Variants in MICU3 observed in about 807,000 individuals in gnomAD.
MICU3 encodes the protein calcium uptake protein 3, mitochondrial.
Under a neutral mutation model 66.5 loss-of-function variants are expected in MICU3, and 62 were observed. The observed-to-expected ratio is 0.93, with a 90% confidence interval of 0.76 to 1.15. The LOEUF (loss-of-function observed/expected upper bound fraction) is 1.15. MICU3 is among the 50% of genes most tolerant of loss of function. The pLI is 0.00. For missense variants in MICU3, 779 were observed against 664.4 expected, an observed-to-expected ratio of 1.17 and a Z score of -1.90; for synonymous variants, 308 against 240.7, an observed-to-expected ratio of 1.28 and a Z score of -2.59.
chr8:17,052,977 C>A (rs1490891258), intron 1 of MICU3, among the ~76,000 whole-genome samples: 2 of 151,920 alleles, frequency 1.3e-5, no homozygotes, highest in Non-Finnish European at 2.9e-5. Context: ...GTACAGTTGC[C>A]AACATAGGGT....
intron 1 of MICU3, chr8:17,049,677 T>TG (rs1815725244): frequency 3.9e-6 from 2 of 513,296 alleles, no homozygotes; most frequent in Admixed American, 3.9e-5. Flanking sequence ...TTGTGTAATG[T>TG]GAAAAAACAC....
chr8:17,115,277 C>T (rs1346235943), intron 12 of MICU3, among the ~76,000 whole-genome samples: 1 of 152,116 alleles, frequency 6.6e-6, no homozygotes, highest in Admixed American at 6.6e-5. Flanking sequence ...ATAAGAGAAA[C>T]CTGCAAAATT....
intron 11 of MICU3, among the ~76,000 whole-genome samples, chr8:17,112,049 G>A (rs924779815): frequency 1.1e-4 from 16 of 147,416 alleles, no homozygotes; most frequent in African/African-American, 3.5e-4. Flanking sequence ...TCACTATCAC[G>A]AGAACAGCAT....
rs1185917038 is a variant in MICU3 at position 17,027,465 on chromosome 8, G to C, written c.186G>C (p.Arg62=). ...CGGAGGCGGCATGGAGGCGGCGGCG[G>C]CGCTGGGGGGAGCTGAGCGTGGCGG... ...AVAEAAWRRR[R]RWGELSVAAA... is the part of the protein sequence containing the mutation. Residue 62 remains arginine, a synonymous_variant, in exon 1 of 15, where the codon CGG becomes CGC. Transcript: ENST00000318063. The C allele has an allele frequency of 1.2e-5, 16 of 1,293,734 alleles. No individual in the cohort carries two copies. Among genetic ancestry groups the C allele is most frequent in the Non-Finnish European group, 1.4e-5 (14 of 1,025,826 alleles). The allele number at this position is 1,293,734 out of a possible 1,614,324, so 80.1% of individuals were successfully genotyped here.
chr8:17,059,798 T>G (rs1375669114), intron 1 of MICU3, among the ~76,000 whole-genome samples: 2 of 152,068 alleles, frequency 1.3e-5, no homozygotes, highest in Admixed American at 6.6e-5. Context: ...AATTTAAAAT[T>G]TATATGAAGA....
At chr8:17,063,993 C>T in intron 1 of MICU3, 91 bp from the exon 2 acceptor site, 1 of 875,734 alleles carries the variant, frequency 1.1e-6, no homozygotes, top group African/African-American at 1.7e-5. Flanking sequence ...CTCATTTACT[C>T]TGTTTATTCA....
chr8:17,034,348 AAGG>A (rs547951963), intron 1 of MICU3, among the ~76,000 whole-genome samples: 6 of 152,248 alleles, frequency 3.9e-5, no homozygotes, highest in Non-Finnish European at 8.8e-5. Context: ...GGAGATTTAC[AAGG>A]AGATCAGTGT....
At chr8:17,066,696 C>T (rs1818772434) in intron 2 of MICU3, among the ~76,000 whole-genome samples, 1 of 151,432 alleles carries the variant, frequency 6.6e-6, no homozygotes, top group Non-Finnish European at 1.5e-5. Flanking sequence ...GCACATGCCA[C>T]CATGCCACCA....
chr8:17,127,661 G>T, the MICU3 span, among the ~76,000 whole-genome samples: 1 of 152,156 alleles, frequency 6.6e-6, no homozygotes, highest in Non-Finnish European at 1.5e-5. Flanking sequence ...GCCACATAAA[G>T]ATGTATGTTA....
At position 17,104,863 on chromosome 8, in the gene MICU3, C is replaced by T. The variant is rs1033637551; in HGVS notation, c.1085+372C>T. Among the ~76,000 whole-genome samples, 6 of 83,346 alleles carry T rather than the reference C, an allele frequency of 7.2e-5. 1 individual carries two copies. The highest frequency in any genetic ancestry group is 3.3e-4 in the African/African-American group (3 of 9,118). The allele number at this position is 83,346 out of a possible 152,430, so 54.7% of individuals were successfully genotyped here. A position where few individuals can be genotyped will look rare whatever the true frequency, so the allele number is the denominator to read the frequency against. Reference sequence around the variant, plus strand: ...ACAAAAAATTAGCCGGGCGTGGTAGCGGGCGCCTGTAGTCCCAGCTACTCG... The same window carrying T: ...ACAAAAAATTAGCCGGGCGTGGTAGTGGGCGCCTGTAGTCCCAGCTACTCG... On this transcript the variant is annotated intron_variant, in intron 10 of 14. Coordinates refer to ENST00000318063, the MANE Select transcript of MICU3 (RefSeq NM_181723.3).
chr8:17,077,176 A>G (rs1044489380), intron 3 of MICU3, among the ~76,000 whole-genome samples: 1 of 152,254 alleles, frequency 6.6e-6, no homozygotes, highest in African/African-American at 2.4e-5. Flanking sequence ...GTTCTTTAAT[A>G]TTTAAGTTAA....
At chr8:17,060,254 G>T (rs917459227) in intron 1 of MICU3, among the ~76,000 whole-genome samples, 3 of 151,626 alleles carry the variant, frequency 2.0e-5, no homozygotes, top group Non-Finnish European at 4.4e-5. Context: ...GACTATTCTG[G>T]GATCAGACCA....
At position 17,114,192 on chromosome 8, in the gene MICU3, A is replaced by G. The variant is rs1265594232; in HGVS notation, c.1357A>G (p.Ile453Val). ...TATGTATAACTTTGCAAGTCGTTCT[A>G]TAGGGCAAGGTAAGTAATCATCTAC... ...LNMYNFASRS[I>V]GQDEFKRAVY... Residue 453 changes from isoleucine to valine, a missense_variant, in exon 12 of 15, where the codon ATA becomes GTA. Physicochemically the swap from Ile to Val is conservative, Grantham distance 29. Coordinates refer to ENST00000318063, the MANE Select transcript of MICU3 (RefSeq NM_181723.3). 3 of 1,598,220 alleles carry G rather than the reference A, an allele frequency of 1.9e-6. No individual in the cohort carries two copies. The highest frequency in any genetic ancestry group is 1.1e-5 in the South Asian group (1 of 89,528).
chr8:17,101,511 T>C (rs1801253848), intron 9 of MICU3, among the ~76,000 whole-genome samples: 1 of 151,858 alleles, frequency 6.6e-6, no homozygotes. Flanking sequence ...AACCTACATC[T>C]CATAAGATTT....
At chr8:17,074,712 A>G (rs1300361176) in intron 3 of MICU3, among the ~76,000 whole-genome samples, 2 of 150,686 alleles carry the variant, frequency 1.3e-5, no homozygotes, top group Non-Finnish European at 3.0e-5. Flanking sequence ...ATTAGTTTTT[A>G]TTTTCTGTAC....
At chr8:17,051,375 G>T (rs147026565) in intron 1 of MICU3, among the ~76,000 whole-genome samples, 1,928 of 152,298 alleles carry the variant, frequency 0.013, 39 homozygotes, top group African/African-American at 0.044. Context: ...AAACTAAAGT[G>T]TACCAAGTAA....
At chr8:17,037,805 C>T (rs1405531741) in intron 1 of MICU3, among the ~76,000 whole-genome samples, 1 of 152,320 alleles carries the variant, frequency 6.6e-6, no homozygotes, top group African/African-American at 2.4e-5. Flanking sequence ...AGGGGAAGAA[C>T]TGCCCAAGGC....
In MICU3 at chr8:17,027,407, TCTC is replaced by T. The variant is rs773630520; in HGVS notation, c.133_135del (p.Ser45del). The T allele has an allele frequency of 4.2e-6, 6 of 1,418,590 alleles. 1 individual carries two copies. The South Asian group carries it at 1.0e-4, about 24-fold the overall frequency. 87.9% of individuals were successfully genotyped at this position (1,418,590 alleles called of 1,614,324 possible). On this transcript the variant is annotated inframe_deletion, in exon 1 of 15. Coordinates refer to ENST00000318063, the MANE Select transcript of MICU3 (RefSeq NM_181723.3). The stretch of plus-strand genomic sequence containing the variant: ...ACCCTGGGCCTTCCTGGCCGGCCCT[TCTC>T]CTCCCGAGAGGATGAGGAGAGGGCT...
chr8:17,028,021 G>A (rs1811326553), intron 1 of MICU3, among the ~76,000 whole-genome samples: 1 of 152,164 alleles, frequency 6.6e-6, no homozygotes, highest in Admixed American at 6.5e-5. Flanking sequence ...TAGATTGCGC[G>A]GGGCGACAGC....
Sources: gnomAD v4.1 joint callset for allele counts (sites outside exome capture counted in the v4.1 genomes callset) on GRCh38, gnomAD v4.1.1 for gene constraint, MANE v1.5 for transcripts, NCBI Gene and HGNC (gene_info 2026-07-23, HGNC 2026-07-21) for gene names.